Variants in APBA2 observed in about 807,000 individuals in gnomAD.
The protein encoded by APBA2 is amyloid-beta A4 precursor protein-binding family A member 2.
Under a neutral mutation model 75.0 loss-of-function variants are expected in APBA2, and 30 were observed. The ratio of observed to expected loss-of-function variants is 0.40; its 90% CI spans 0.30 to 0.54. The LOEUF is 0.54. Ranked by LOEUF, APBA2 falls within the 20% of genes least tolerant of loss-of-function variation. The pLI, the probability that APBA2 is intolerant of heterozygous loss-of-function variation, is 0.49. For synonymous variants in APBA2, 444 were observed against 409.6 expected (o/e 1.08, Z -1.01); for missense variants, 801 against 1,016.1 (o/e 0.79, Z 2.88).
chr15:28,969,861 G>C (rs1421977237), intron 2 of APBA2, among the ~76,000 whole-genome samples: 1 of 152,238 alleles, frequency 6.6e-6, no homozygotes, highest in Admixed American at 6.5e-5. Flanking sequence ...AGAATTGGAG[G>C]GAGCGTGGCG....
intron 1 of APBA2, among the ~76,000 whole-genome samples, chr15:28,915,124 C>CCACAAACA (rs2033613767): frequency 1.1e-5 from 1 of 89,290 alleles, no homozygotes; most frequent in Non-Finnish European, 2.2e-5. Context: ...ACACCACACA[C>CCACAAACA]TTAACCCATA....
chr15:29,104,871 T>C (rs952404509), intron 10 of APBA2, among the ~76,000 whole-genome samples: 3 of 152,104 alleles, frequency 2.0e-5, no homozygotes, highest in African/African-American at 7.2e-5. Flanking sequence ...ATCACTTATG[T>C]CCAGGAGTTT....
chr15:28,891,615 C>T (rs1034127711), intron 1 of APBA2, among the ~76,000 whole-genome samples: 6 of 152,126 alleles, frequency 3.9e-5, no homozygotes, highest in African/African-American at 7.2e-5. Context: ...AGGTGTTTTC[C>T]GTTTTGCACT....
intron 2 of APBA2, among the ~76,000 whole-genome samples, chr15:28,988,764 T>C (rs960658802): frequency 3.3e-5 from 5 of 152,238 alleles, no homozygotes; most frequent in African/African-American, 1.2e-4. Context: ...CTCAGGTATG[T>C]GTCTCTCTGT....
intron 13 of APBA2, among the ~76,000 whole-genome samples, chr15:29,111,927 G>A (rs760322727): frequency 3.9e-5 from 6 of 152,118 alleles, no homozygotes; most frequent in South Asian, 2.1e-4. Context: ...CCCTCACAGC[G>A]TGCTCAGGAT....
At position 29,106,700 on chromosome 15, in the gene APBA2, A is replaced by G; in HGVS notation, c.1798A>G (p.Met600Val). 1 of 1,613,086 alleles carries G rather than the reference A, an allele frequency of 6.2e-7. No individual in the cohort carries two copies. The highest frequency in any genetic ancestry group is 8.5e-7 in the Non-Finnish European group (1 of 1,179,992). ...CCTGCCCACGGTGATCCTGGCCAACATGATGAATGGCGGCCCGGCTGCCCG... is the reference window on the plus strand; with the variant it reads ...CCTGCCCACGGTGATCCTGGCCAACGTGATGAATGGCGGCCCGGCTGCCCG... Reference protein sequence around the residue: ...SILPTVILANMMNGGPAARSG... With the variant: ...SILPTVILANVMNGGPAARSG... Residue 600 changes from methionine to valine, a missense_variant, in exon 12 of 15, where the codon ATG (methionine) becomes GTG (valine). Met to Val is a conservative substitution (Grantham distance 21). This residue lies in a region of APBA2 where 367 missense variants were observed against 544.5 expected (regional missense o/e 0.67). Transcript: ENST00000683413.
intron 3 of APBA2, among the ~76,000 whole-genome samples, chr15:29,051,336 G>A (rs1409526182): frequency 2.0e-5 from 3 of 152,114 alleles, no homozygotes; most frequent in Non-Finnish European, 2.9e-5. Context: ...GCCCTGCAGG[G>A]TCCATCTCAG....
At chr15:29,061,442 G>A (rs1771665388) in intron 4 of APBA2, among the ~76,000 whole-genome samples, 3 of 152,164 alleles carry the variant, frequency 2.0e-5, no homozygotes, top group African/African-American at 4.8e-5. Context: ...CCAAATATGC[G>A]TTTTGATTAT....
chr15:28,907,244 G>A (rs1249608038), intron 1 of APBA2, among the ~76,000 whole-genome samples: 2 of 152,256 alleles, frequency 1.3e-5, no homozygotes, highest in East Asian at 3.9e-4. Context: ...CAGCCACTTT[G>A]ACCTCTCTCT....
At chr15:29,062,838 T>C (rs938450720) in intron 4 of APBA2, among the ~76,000 whole-genome samples, 1 of 152,186 alleles carries the variant, frequency 6.6e-6, no homozygotes, top group Admixed American at 6.5e-5. Flanking sequence ...CTGCAGCAGC[T>C]TGGGGCCCGG....
In APBA2 at chr15:29,117,276, C is replaced by T; in HGVS notation, c.*143C>T. On this transcript the variant is annotated 3_prime_UTR_variant, in exon 15 of 15. Transcript: ENST00000683413. ...TCCCCAAAGGGTGTGCCCTCACCAC[C>T]CACTTGATTTTTTTCATTTTGCCAA... is the stretch of plus-strand genomic sequence containing the variant. 1 of 712,016 alleles carries T rather than the reference C, an allele frequency of 1.4e-6. No homozygotes were observed. The highest frequency in any genetic ancestry group is 2.6e-5 in the Admixed American group (1 of 38,090). 44.1% of individuals were successfully genotyped at this position (712,016 alleles called of 1,614,324 possible). A position where few individuals can be genotyped will look rare whatever the true frequency, so the allele number is the denominator to read the frequency against.
chr15:28,942,731 C>T, intron 2 of APBA2, among the ~76,000 whole-genome samples: 1 of 152,186 alleles, frequency 6.6e-6, no homozygotes, highest in East Asian at 1.9e-4. Context: ...GTATCCTTAC[C>T]CCAGGACCCG....
intron 2 of APBA2, chr15:28,961,545 A>AG (rs1261380081): frequency 6.6e-6 from 1 of 152,254 alleles, no homozygotes; most frequent in Non-Finnish European, 1.5e-5. Flanking sequence ...TCTTGGAGGA[A>AG]GTGGACTCTG....
At chr15:29,044,645 T>C (rs2041214503) in intron 3 of APBA2, among the ~76,000 whole-genome samples, 1 of 152,106 alleles carries the variant, frequency 6.6e-6, no homozygotes, top group African/African-American at 2.4e-5. Context: ...GGATTGACAC[T>C]GTATGCAGCA....
intron 2 of APBA2, among the ~76,000 whole-genome samples, chr15:28,995,186 G>T (rs1435792907): frequency 2.6e-5 from 4 of 152,170 alleles, no homozygotes; most frequent in Non-Finnish European, 4.4e-5. Flanking sequence ...CCTGTGCAGA[G>T]CTTCCTCTAT....
chr15:29,113,843 AAC>A (rs2044881698), intron 13 of APBA2, 31 bp from the exon 14 acceptor site: 1 of 1,575,136 alleles, frequency 6.3e-7, no homozygotes, highest in Non-Finnish European at 8.6e-7. Flanking sequence ...GTGTGGCGGG[AAC>A]ACGTGTGCTG....
intron 3 of APBA2, among the ~76,000 whole-genome samples, chr15:29,041,980 A>G (rs1192795371): frequency 3.3e-5 from 5 of 152,174 alleles, no homozygotes; most frequent in African/African-American, 9.7e-5. Flanking sequence ...GGCATAAACA[A>G]CAGAAGCTTA....
chr15:29,111,044 G>T (rs2044700804), intron 13 of APBA2, among the ~76,000 whole-genome samples: 1 of 152,156 alleles, frequency 6.6e-6, no homozygotes, highest in African/African-American at 2.4e-5. Flanking sequence ...GGGGTGCAGG[G>T]TTGAGGGCAG....
chr15:28,902,641 C>T (rs973304540), intron 1 of APBA2, among the ~76,000 whole-genome samples: 4 of 152,090 alleles, frequency 2.6e-5, no homozygotes, highest in Admixed American at 6.5e-5. Flanking sequence ...TGATGTATGG[C>T]GATGTTAATA....
Sources: allele counts gnomAD v4.1 joint callset (sites outside exome capture counted in the v4.1 genomes callset), GRCh38; gene constraint gnomAD v4.1.1; regional missense constraint gnomAD v4.1.1; transcripts MANE v1.5; gene names NCBI Gene and HGNC (gene_info 2026-07-23, HGNC 2026-07-21).